Variants in BORCS5 observed in about 807,000 individuals in gnomAD.
BORCS5 encodes the protein BLOC-1-related complex subunit 5.
A neutral mutation model predicts 22.1 loss-of-function variants in BORCS5; 17 were observed. That is an observed-to-expected ratio of 0.77 (90% confidence interval 0.53 to 1.15). The LOEUF is 1.15. BORCS5 is among the 50% of genes most tolerant of loss of function. The probability of loss-of-function intolerance (pLI) is 0.00; values close to 1 mark genes in which losing one functional copy is unlikely to be tolerated. For synonymous variants in BORCS5, 117 were observed against 99.8 expected, an observed-to-expected ratio of 1.17 and a Z score of -1.03; for missense variants, 247 against 253.2, an observed-to-expected ratio of 0.98 and a Z score of 0.17.
intron 3 of BORCS5, among the ~76,000 whole-genome samples, chr12:12,439,317 G>T (rs377483617): frequency 6.6e-5 from 10 of 152,088 alleles, no homozygotes; most frequent in Non-Finnish European, 1.3e-4. Context: ...CCAGTGTTTT[G>T]GAGCATTCAT....
At chr12:12,362,636 C>CTTTTTTTTTTTTTTTTTTTTTT (rs71436712) in intron 2 of BORCS5, among the ~76,000 whole-genome samples, 1 of 57,588 alleles carries the variant, frequency 1.7e-5, no homozygotes, top group Non-Finnish European at 3.4e-5. Context: ...TGTTACTCAT[C>CTTTTTTTTTTTTTTTTTTTTTT]TTTTTTTTTT....
chr12:12,438,590 C>G (rs61913533), intron 3 of BORCS5, among the ~76,000 whole-genome samples: 6 of 151,840 alleles, frequency 4.0e-5, no homozygotes, highest in Non-Finnish European at 5.9e-5. Flanking sequence ...TAAAATTACT[C>G]GGAAGTTTTT....
At chr12:12,436,199 C>T (rs773361198) in intron 3 of BORCS5, among the ~76,000 whole-genome samples, 1 of 152,124 alleles carries the variant, frequency 6.6e-6, no homozygotes, top group African/African-American at 2.4e-5. Flanking sequence ...TATTTTGTTT[C>T]CCAGTAGATT....
rs77627864 is a variant in BORCS5, at chr12:12,444,170, A to G, written c.360+8385A>G. ...TTATATTCTTCAATTATCTCATCCT[A>G]GGGACTGATAAGTTTTCTCATTCTA... On this transcript the variant is annotated intron_variant, in intron 3 of 3. Coordinates refer to ENST00000314565, the MANE Select transcript of BORCS5 (RefSeq NM_058169.6). Among the ~76,000 whole-genome samples, 370 of 152,330 alleles carry G rather than the reference A, an allele frequency of 2.4e-3. 3 individuals are homozygous for G. In the East Asian group the frequency reaches 0.03, roughly 12 times the overall value.
intron 2 of BORCS5, among the ~76,000 whole-genome samples, chr12:12,374,724 G>C (rs1863609489): frequency 1.3e-5 from 2 of 152,104 alleles, no homozygotes; most frequent in Non-Finnish European, 2.9e-5. Flanking sequence ...TTGGGAGGCT[G>C]AGGTGGGTGG....
intron 2 of BORCS5, among the ~76,000 whole-genome samples, chr12:12,369,905 A>G (rs1018892367): frequency 6.6e-6 from 1 of 150,752 alleles, no homozygotes; most frequent in Admixed American, 6.6e-5. Context: ...TTTTATTTTT[A>G]GTAGAGATGG....
intron 3 of BORCS5, among the ~76,000 whole-genome samples, chr12:12,463,846 G>A (rs374893212): frequency 4.1e-4 from 62 of 152,284 alleles, no homozygotes; most frequent in African/African-American, 1.4e-3. Context: ...CTTTAGACTT[G>A]ATAAGTTAGA....
At chr12:12,373,993 T>C (rs1863587534) in intron 2 of BORCS5, among the ~76,000 whole-genome samples, 4 of 143,026 alleles carry the variant, frequency 2.8e-5, no homozygotes, top group Non-Finnish European at 6.1e-5. Context: ...TTTTTTTTTT[T>C]TTTTTTTTTT....
intron 2 of BORCS5, among the ~76,000 whole-genome samples, chr12:12,395,593 G>C (rs138503183): frequency 6.6e-6 from 1 of 151,972 alleles, no homozygotes; most frequent in African/African-American, 2.4e-5. Flanking sequence ...GGCAAGGTGG[G>C]AAAATTAGGT....
At chr12:12,370,231 A>G (rs1441943480) in intron 2 of BORCS5, among the ~76,000 whole-genome samples, 2 of 152,098 alleles carry the variant, frequency 1.3e-5, no homozygotes, top group Non-Finnish European at 1.5e-5. Context: ...ACATTTCCAG[A>G]ATTCCTAATC....
intron 2 of BORCS5, among the ~76,000 whole-genome samples, chr12:12,366,668 T>C (rs951265195): frequency 2.6e-5 from 4 of 152,332 alleles, no homozygotes; most frequent in Middle Eastern, 3.4e-3. Flanking sequence ...CTGTATAGAT[T>C]TCTTACTTGA....
chr12:12,378,209 T>G (rs1351053185), intron 2 of BORCS5, among the ~76,000 whole-genome samples: 1 of 152,106 alleles, frequency 6.6e-6, no homozygotes, highest in Non-Finnish European at 1.5e-5. Context: ...CCGTCTCTAC[T>G]AAAAATACAA....
At chr12:12,413,979 A>G (rs1592101583) in intron 2 of BORCS5, among the ~76,000 whole-genome samples, 1 of 36,362 alleles carries the variant, frequency 2.8e-5, no homozygotes, top group Non-Finnish European at 5.0e-5. Flanking sequence ...GGCCGGGCAG[A>G]GGGGTCCTCA....
At position 12,357,302 on chromosome 12, in the gene BORCS5, G is replaced by C; in HGVS notation, c.-150G>C. On this transcript the variant is annotated 5_prime_UTR_variant, in exon 1 of 4. Coordinates refer to ENST00000314565, the MANE Select transcript of BORCS5 (RefSeq NM_058169.6). ...CGCCGCCCAGGCCCCTGCGTGGGCT[G>C]GACGCGTCAGCCCCACACATTAGCC... is the stretch of plus-strand genomic sequence containing the variant. The C allele has an allele frequency of 2.1e-6, 3 of 1,457,494 alleles. No homozygotes were observed. In the South Asian group the frequency reaches 4.2e-5, roughly 20 times the overall value. The allele number at this position is 1,457,494 out of a possible 1,614,324, so 90.3% of individuals were successfully genotyped here.
chr12:12,391,915 T>G (rs73279401), intron 2 of BORCS5, among the ~76,000 whole-genome samples: 30,653 of 30,672 alleles, frequency 1, 15,317 homozygotes, highest in Middle Eastern at 1. Context: ...GCATGGGGGT[T>G]TGCTCCTGTA....
chr12:12,457,519 A>G (rs892746877), intron 3 of BORCS5, among the ~76,000 whole-genome samples: 2 of 152,204 alleles, frequency 1.3e-5, no homozygotes, highest in Non-Finnish European at 2.9e-5. Context: ...AATACAAAAA[A>G]TTAGCTGGGC....
chr12:12,363,910 T>A (rs200353334), intron 2 of BORCS5, among the ~76,000 whole-genome samples: 92 of 122,902 alleles, frequency 7.5e-4, no homozygotes, highest in African/African-American at 1.9e-3. Context: ...AAAAAAAAAA[T>A]ATCTGCATAT....
At chr12:12,414,247 G>C (rs1174944901) in intron 2 of BORCS5, among the ~76,000 whole-genome samples, 3,386 of 49,740 alleles carry the variant, frequency 0.068, 228 homozygotes, top group African/African-American at 0.13. Flanking sequence ...GCGGCTGGCC[G>C]GGCAGAGGGG....
At chr12:12,363,308 A>T (rs1048408771) in intron 2 of BORCS5, among the ~76,000 whole-genome samples, 2 of 151,864 alleles carry the variant, frequency 1.3e-5, no homozygotes, top group East Asian at 3.9e-4. Context: ...AAAGAAAAAA[A>T]AAAAAAGCCG....
Sources: gnomAD v4.1 joint callset for allele counts (sites outside exome capture counted in the v4.1 genomes callset) on GRCh38, gnomAD v4.1.1 for gene constraint, MANE v1.5 for transcripts, NCBI Gene and HGNC (gene_info 2026-07-23, HGNC 2026-07-21) for gene names.